The following KIF13A variants were observed in gnomAD, a reference collection of about 807,000 sequenced individuals.
KIF13A encodes kinesin-like protein KIF13A.
Under a neutral mutation model 212.2 loss-of-function variants are expected in KIF13A, and 79 were observed. That is an observed-to-expected ratio of 0.37 (90% CI 0.31 to 0.45). The LOEUF is 0.45. KIF13A is among the 20% of genes least tolerant of loss of function. The pLI, the probability that KIF13A is intolerant of heterozygous loss-of-function variation, is 1.00. For missense variants in KIF13A, 1,901 were observed against 2,209.0 expected, an observed-to-expected ratio of 0.86 and a Z score of 2.79; for synonymous variants, 789 against 808.6, an observed-to-expected ratio of 0.98 and a Z score of 0.41.
chr6:17,863,227 G>A (rs1769002338), intron 4 of KIF13A, among the ~76,000 whole-genome samples: 1 of 152,280 alleles, frequency 6.6e-6, no homozygotes, highest in East Asian at 1.9e-4. Flanking sequence ...TATGATGGTG[G>A]TGACTCTCAC....
In KIF13A at chr6:17,773,203, AC is replaced by A. The variant is rs1759644921; in HGVS notation, c.4324+274del. Among the ~76,000 whole-genome samples, 1 of 152,200 alleles carries A rather than the reference AC, an allele frequency of 6.6e-6. No individual in the cohort carries two copies. Among genetic ancestry groups the A allele is most frequent in the African/African-American group, 2.4e-5 (1 of 41,446 alleles). Reference sequence around the variant, plus strand: ...GGATTTGTATGTGTCTCAAAACTGGACTTGAAAGTCAGGAAATGATGACAAA... The same window carrying A: ...GGATTTGTATGTGTCTCAAAACTGGATTGAAAGTCAGGAAATGATGACAAA... On this transcript the variant is annotated intron_variant, in intron 36 of 38. Coordinates refer to ENST00000259711, the MANE Select transcript of KIF13A (RefSeq NM_022113.6). The surrounding 1 kb of genome is among the most constrained non-coding windows in gnomAD (Gnocchi z 4.2).
At chr6:17,847,096 G>C (rs147375812) in intron 9 of KIF13A, among the ~76,000 whole-genome samples, 1 of 152,178 alleles carries the variant, frequency 6.6e-6, no homozygotes. Flanking sequence ...AAAGTTAGTG[G>C]TCATTCCACA....
At chr6:17,913,219 G>A (rs1002385694) in intron 2 of KIF13A, among the ~76,000 whole-genome samples, 3 of 105,420 alleles carry the variant, frequency 2.8e-5, no homozygotes, top group African/African-American at 8.3e-5. Flanking sequence ...ACGGGATTAC[G>A]GGAGGAGCAG....
chr6:17,767,070 T>C (rs1048878584), intron 38 of KIF13A, among the ~76,000 whole-genome samples: 6 of 152,118 alleles, frequency 3.9e-5, no homozygotes, highest in Non-Finnish European at 7.4e-5. Flanking sequence ...GCAACACTAA[T>C]CTCTTCTCAT....
Position 17,800,110 on chromosome 6 carries a change from C to A in KIF13A, c.2458G>T (p.Ala820Ser). Residue 820 changes from alanine (A) to serine (S), a missense_variant, in exon 21 of 39, where the codon GCA becomes TCA. Coordinates refer to ENST00000259711, the MANE Select transcript of KIF13A (RefSeq NM_022113.6). Reference sequence around the variant, plus strand: ...ATCACTTCCACGTGGAGACGCCCTGCAACCTGGGTCAAGGAACCAGAGCAC... The same window carrying A: ...ATCACTTCCACGTGGAGACGCCCTGAAACCTGGGTCAAGGAACCAGAGCAC... Reference protein sequence around the residue: ...VPIISQQGEVAGRLHVEVMRV... With the variant: ...VPIISQQGEVSGRLHVEVMRV... 2 of 1,613,158 alleles carry A rather than the reference C, an allele frequency of 1.2e-6. No individual in the cohort carries two copies. The highest frequency in any genetic ancestry group is 1.7e-6 in the Non-Finnish European group (2 of 1,179,484).
Position 17,811,799 on chromosome 6 carries a change from T to C in KIF13A, c.2001-2869A>G, listed in dbSNP as rs1395127196. Among the ~76,000 whole-genome samples the C allele has an allele frequency of 2.6e-5, 4 of 152,150 alleles. No homozygotes were observed. Among genetic ancestry groups the C allele is most frequent in the Non-Finnish European group, 5.9e-5 (4 of 68,028 alleles). ...ATTCCCAAAATATCTCATCTTTTTT[T>C]TTCTTCCTTCCTTCCTTCCTTCTCT... On this transcript the variant is annotated intron_variant, in intron 17 of 38. Transcript: ENST00000259711. This position sits in a 1 kb window ranked among gnomAD's most constrained non-coding sequence, Gnocchi z 6.0.
intron 4 of KIF13A, among the ~76,000 whole-genome samples, chr6:17,870,808 G>T (rs1157832729): frequency 6.6e-6 from 1 of 151,988 alleles, no homozygotes; most frequent in Non-Finnish European, 1.5e-5. Context: ...GCTCAGACCA[G>T]CATTACCACC....
intron 35 of KIF13A, among the ~76,000 whole-genome samples, chr6:17,774,748 G>T (rs996340657): frequency 6.6e-6 from 1 of 151,368 alleles, no homozygotes; most frequent in Non-Finnish European, 1.5e-5. Context: ...ACTCCAGCCT[G>T]GGTAACAAGA....
At chr6:17,972,836 A>G (rs920577700) in intron 2 of KIF13A, among the ~76,000 whole-genome samples, 20 of 88,972 alleles carry the variant, frequency 2.2e-4, no homozygotes, top group Non-Finnish European at 3.5e-4. Context: ...AGAGTGAGAA[A>G]AAAAAAAAAA....
chr6:17,764,972 C>T lies in KIF13A; in HGVS notation c.4582-26G>A. On this transcript the variant is annotated intron_variant, in intron 38 of 38. Transcript: ENST00000259711. This position sits in a 1 kb window ranked among gnomAD's most constrained non-coding sequence, Gnocchi z 5.1. ...CTATAGAAGTGAAGCAAAAGTCAGT[C>T]ATTAGCTCCTTGTAGCAACTGTACT... 3.2e-6 allele frequency: 5 copies of T among 1,545,410 alleles called. No homozygotes were observed. The highest frequency in any genetic ancestry group is 2.5e-5 in the South Asian group (2 of 81,196).
At chr6:17,866,344 A>G (rs1173475752) in intron 4 of KIF13A, among the ~76,000 whole-genome samples, 1 of 152,148 alleles carries the variant, frequency 6.6e-6, no homozygotes. Flanking sequence ...GCTAGGTTCT[A>G]AGCCAGAGCA....
rs1328841641 is a variant in KIF13A at position 17,984,508 on chromosome 6, C to T, written c.146+2546G>A. 3.0e-6 allele frequency: 3 copies of T among 984,932 alleles called. No homozygotes were observed. The East Asian group carries it at 3.4e-4, about 112-fold the overall frequency. 61.0% of individuals were successfully genotyped at this position (984,932 alleles called of 1,614,324 possible). ...AAACATCTTTAACCTCAGAGATCCT[C>T]TGATCTTTTAGTCCTAGCTACACAG... On this transcript the variant is annotated intron_variant, in intron 2 of 38. Coordinates refer to ENST00000259711, the MANE Select transcript of KIF13A (RefSeq NM_022113.6). This position sits in a 1 kb window ranked among gnomAD's most constrained non-coding sequence, Gnocchi z 5.0.
rs951798225 is a variant in KIF13A, at chr6:17,829,423, T to C, written c.1402-1053A>G. 4.8e-4 allele frequency among the ~76,000 whole-genome samples: 73 copies of C among 152,304 alleles called. No individual in the cohort carries two copies. Among genetic ancestry groups the C allele is most frequent in the African/African-American group, 1.7e-3 (71 of 41,572 alleles). ...ACCTCACAGGCCTCATGAAAGGTTC[T>C]CAGAGACCCCAGATCACACTTTTAG... is the stretch of plus-strand genomic sequence containing the variant. On this transcript the variant is annotated intron_variant, in intron 13 of 38. Transcript: ENST00000259711. The surrounding 1 kb of genome is among the most constrained non-coding windows in gnomAD (Gnocchi z 5.4).
Position 17,836,747 on chromosome 6 carries a change from C to G in KIF13A, c.1155+131G>C, listed in dbSNP as rs373162307. The G allele has an allele frequency of 4.5e-4, 369 of 817,248 alleles. 6 individuals are homozygous for G. In the East Asian group the frequency reaches 7.9e-3, roughly 17 times the overall value. The allele number at this position is 817,248 out of a possible 1,614,324, so 50.6% of individuals were successfully genotyped here. On this transcript the variant is annotated intron_variant, in intron 11 of 38. Coordinates refer to ENST00000259711, the MANE Select transcript of KIF13A (RefSeq NM_022113.6). ...TCCAACACTGGTGATTACAATTCAACATGAGATTTGGGTAGAGACATAAAT... is the reference window on the plus strand; with the variant it reads ...TCCAACACTGGTGATTACAATTCAAGATGAGATTTGGGTAGAGACATAAAT...
rs965333041 is a variant in KIF13A at position 17,811,486 on chromosome 6, T to G, written c.2001-2556A>C. Among the ~76,000 whole-genome samples, 2 of 152,218 alleles carry G rather than the reference T, an allele frequency of 1.3e-5. No homozygotes were observed. Among genetic ancestry groups the G allele is most frequent in the African/African-American group, 2.4e-5 (1 of 41,460 alleles). Reference sequence around the variant, plus strand: ...GTTCTTTAATTTTCTATGACTTAATTTTTCCACAAATTTATATCTTGTTTC... The same window carrying G: ...GTTCTTTAATTTTCTATGACTTAATGTTTCCACAAATTTATATCTTGTTTC... On this transcript the variant is annotated intron_variant, in intron 17 of 38. Coordinates refer to ENST00000259711, the MANE Select transcript of KIF13A (RefSeq NM_022113.6). This position sits in a 1 kb window ranked among gnomAD's most constrained non-coding sequence, Gnocchi z 6.0.
At chr6:17,853,779 AAAG>A (rs1351886964) in intron 6 of KIF13A, among the ~76,000 whole-genome samples, 1 of 152,210 alleles carries the variant, frequency 6.6e-6, no homozygotes, top group Non-Finnish European at 1.5e-5. Flanking sequence ...TGTAAATGCT[AAAG>A]AAGAGGAAGA....
chr6:17,796,155 C>T (rs1762010414), intron 23 of KIF13A, among the ~76,000 whole-genome samples: 1 of 150,054 alleles, frequency 6.7e-6, no homozygotes, highest in Non-Finnish European at 1.5e-5. Context: ...ATAACGGCAG[C>T]AGTCCCAGAA....
In KIF13A at chr6:17,895,009, TAAGA is replaced by T. The variant is rs995588277; in HGVS notation, c.159+3155_159+3158del. 2.6e-5 allele frequency among the ~76,000 whole-genome samples: 4 copies of T among 152,202 alleles called. No individual in the cohort carries two copies. Among genetic ancestry groups the T allele is most frequent in the Non-Finnish European group, 5.9e-5 (4 of 68,026 alleles). The stretch of plus-strand genomic sequence containing the variant: ...GACCAGCTAGGCATTTGGATCTTCC[TAAGA>T]AAGGATTAAAAACAGCTGGATCTAT... On this transcript the variant is annotated intron_variant, in intron 3 of 38. Coordinates refer to ENST00000259711, the MANE Select transcript of KIF13A (RefSeq NM_022113.6). The surrounding 1 kb of genome is among the most constrained non-coding windows in gnomAD (Gnocchi z 4.4).
In KIF13A at chr6:17,779,032, G is replaced by A; in HGVS notation, c.4007C>T (p.Thr1336Ile). 6.2e-7 allele frequency: 1 copy of A among 1,613,636 alleles called. No individual in the cohort carries two copies. The highest frequency in any genetic ancestry group is 8.5e-7 in the Non-Finnish European group (1 of 1,179,838). The change falls in exon 33 of 39, where the codon ACA becomes ATA. Residue 1336 changes from threonine (T) to isoleucine (I), a missense_variant. By Grantham distance (89) the Thr-to-Ile change is moderately conservative. Transcript: ENST00000259711. ...LLAARSENEG[T>I]SDGETYIEKY... is the part of the protein sequence containing the mutation. Reference sequence around the variant, plus strand: ...CTCAATGTACGTCTCCCCATCTGATGTGCCTTCGTTTTCACTCCTTGCTGC... The same window carrying A: ...CTCAATGTACGTCTCCCCATCTGATATGCCTTCGTTTTCACTCCTTGCTGC...
Sources: gnomAD v4.1 joint callset for allele counts (sites outside exome capture counted in the v4.1 genomes callset) on GRCh38, gnomAD v4.1.1 for gene constraint, Gnocchi (gnomAD v3.1) non-coding constraint, MANE v1.5 for transcripts, NCBI Gene and HGNC (gene_info 2026-07-23, HGNC 2026-07-21) for gene names.